The following RAB30 variants were observed in gnomAD, a reference collection of about 807,000 sequenced individuals.
RAB30 encodes ras-related protein Rab-30.
A neutral mutation model predicts 25.1 loss-of-function variants in RAB30; 9 were observed. The ratio of observed to expected loss-of-function variants is 0.36; its 90% confidence interval spans 0.22 to 0.63. The LOEUF (loss-of-function observed/expected upper bound fraction) is 0.63, where lower values mean the gene tolerates loss of function less well. RAB30 is among the 20% of genes least tolerant of loss of function. RAB30 has a pLI of 0.69. For missense variants in RAB30, 140 were observed against 243.5 expected, an observed-to-expected ratio of 0.58 and a Z score of 2.83; for synonymous variants, 77 against 86.4, an observed-to-expected ratio of 0.89 and a Z score of 0.60.
chr11:83,005,425 G>A (rs558982588), intron 1 of RAB30, among the ~76,000 whole-genome samples: 19 of 152,228 alleles, frequency 1.2e-4, no homozygotes, highest in African/African-American at 4.6e-4. Flanking sequence ...CATCAAATGG[G>A]TATTAATATT....
At chr11:82,997,140 CATCTCGACAG>C in intron 2 of RAB30, 74 bp downstream of exon 2, 1 of 1,118,066 alleles carries the variant, frequency 8.9e-7, no homozygotes, top group Non-Finnish European at 1.3e-6. Context: ...ACTGGTCATC[CATCTCGACAG>C]ATTCCCCCAA....
At chr11:83,000,167 G>A (rs10898069) in intron 1 of RAB30, among the ~76,000 whole-genome samples, 87,698 of 152,076 alleles carry the variant, frequency 0.58, 25,847 homozygotes, top group African/African-American at 0.72. Context: ...CCCACAGCTG[G>A]TAACTAGTGG....
intron 1 of RAB30, among the ~76,000 whole-genome samples, chr11:83,049,412 A>C (rs1858305241): frequency 6.8e-6 from 1 of 146,432 alleles, no homozygotes; most frequent in East Asian, 2.1e-4. Context: ...TCCATATCAA[A>C]AAAAAAAAAA....
rs1455764784 is a variant in RAB30 at position 82,973,787 on chromosome 11, C to G, written c.*8378G>C. ...TTTAAGAGAGATGTGAAAACATACACCCATACAAAAAACTTTTACATAAAT... is the reference window on the plus strand; with the variant it reads ...TTTAAGAGAGATGTGAAAACATACAGCCATACAAAAAACTTTTACATAAAT... On this transcript the variant is annotated 3_prime_UTR_variant, in exon 5 of 5. Transcript: ENST00000527633. 6.6e-6 allele frequency: 1 copy of G among 152,062 alleles called. No homozygotes were observed. Among genetic ancestry groups the G allele is most frequent in the Non-Finnish European group, 1.5e-5 (1 of 68,008 alleles). 9.4% of individuals were successfully genotyped at this position (152,062 alleles called of 1,614,324 possible).
chr11:83,037,021 G>A (rs1858001442), intron 1 of RAB30, among the ~76,000 whole-genome samples: 2 of 152,116 alleles, frequency 1.3e-5, no homozygotes, highest in African/African-American at 2.4e-5. Flanking sequence ...TCTGACTTGC[G>A]CTTTAAAGAG....
At chr11:83,029,718 TTTC>T (rs1465835617) in intron 1 of RAB30, among the ~76,000 whole-genome samples, 1 of 152,176 alleles carries the variant, frequency 6.6e-6, no homozygotes, top group African/African-American at 2.4e-5. Context: ...ATCTCAAAAA[TTTC>T]TTTTTACACA....
chr11:83,017,137 G>C (rs1173032900), intron 1 of RAB30, among the ~76,000 whole-genome samples: 1 of 152,146 alleles, frequency 6.6e-6, no homozygotes, highest in African/African-American at 2.4e-5. Context: ...CTAGGAGTTC[G>C]AGAACAGCCT....
chr11:82,990,703 T>G (rs17144473), intron 3 of RAB30, among the ~76,000 whole-genome samples: 2,886 of 152,334 alleles, frequency 0.019, 86 homozygotes, highest in African/African-American at 0.065. Context: ...TTAGAGTTTT[T>G]CTTATTACTC....
intron 3 of RAB30, among the ~76,000 whole-genome samples, chr11:82,991,552 C>A (rs1379862731): frequency 6.8e-6 from 1 of 147,206 alleles, no homozygotes; most frequent in Admixed American, 6.8e-5. Context: ...GACAACTATG[C>A]AGTTCTGCCC....
At chr11:83,060,599 A>C (rs1211470862) in intron 1 of RAB30, among the ~76,000 whole-genome samples, 1 of 152,238 alleles carries the variant, frequency 6.6e-6, no homozygotes, top group Non-Finnish European at 1.5e-5. Flanking sequence ...GTTTAACTTG[A>C]ATCTAATAAT....
intron 1 of RAB30, among the ~76,000 whole-genome samples, chr11:83,071,036 T>C (rs926394083): frequency 6.6e-6 from 1 of 152,130 alleles, no homozygotes. Flanking sequence ...GGAAAACATT[T>C]AACAAAAACG....
At chr11:82,991,506 CAAAAAAAAAAAA>C (rs35298951) in intron 3 of RAB30, among the ~76,000 whole-genome samples, 59 of 65,874 alleles carry the variant, frequency 9.0e-4, no homozygotes, top group Non-Finnish European at 2.7e-5. Context: ...GACCCTTTCT[CAAAAAAAAAAAA>C]AAAAAAAAAA....
rs940640208 is a variant in RAB30 at position 83,046,124 on chromosome 11, A to G, written c.-9+25567T>C. Among the ~76,000 whole-genome samples the G allele has an allele frequency of 4.6e-5, 7 of 152,234 alleles. No individual in the cohort carries two copies. In the South Asian group the frequency reaches 8.3e-4, roughly 18 times the overall value. ...CTTCCTTTAACCTCATTACTTACCCAGGCATATATGGGATATACTAAGCTG... is the reference window on the plus strand; with the variant it reads ...CTTCCTTTAACCTCATTACTTACCCGGGCATATATGGGATATACTAAGCTG... On this transcript the variant is annotated intron_variant, in intron 1 of 4. Coordinates refer to ENST00000527633, the MANE Select transcript of RAB30 (RefSeq NM_001286060.2).
rs567900568 is a variant in RAB30 at position 83,009,655 on chromosome 11, A to G, written c.-8-12331T>C. On this transcript the variant is annotated intron_variant, in intron 1 of 4. Transcript: ENST00000527633. ...AAATAAAAACAAATAACAAAAGACC[A>G]GAGAGGTCCAAACTTATTTCAAGAT... Among the ~76,000 whole-genome samples, 5 of 152,368 alleles carry G rather than the reference A, an allele frequency of 3.3e-5. No individual in the cohort carries two copies. The South Asian group carries it at 1.0e-3, about 32-fold the overall frequency.
intron 1 of RAB30, among the ~76,000 whole-genome samples, chr11:83,068,054 A>G (rs939591628): frequency 2.7e-5 from 4 of 149,880 alleles, no homozygotes; most frequent in Non-Finnish European, 5.9e-5. Flanking sequence ...GAATCCAGAG[A>G]TGGAGGCTGC....
chr11:83,035,275 T>C (rs1409927768), intron 1 of RAB30: 1 of 152,134 alleles, frequency 6.6e-6, no homozygotes, highest in Admixed American at 6.6e-5. Context: ...AGCACGCAAG[T>C]TGCAGCAAGA....
At chr11:83,040,434 A>G (rs1006909559) in intron 1 of RAB30, among the ~76,000 whole-genome samples, 1 of 152,130 alleles carries the variant, frequency 6.6e-6, no homozygotes, top group Non-Finnish European at 1.5e-5. Context: ...TCTACTAAAA[A>G]TACAAAATTA....
At chr11:83,012,244 AT>A (rs1009172594) in intron 1 of RAB30, among the ~76,000 whole-genome samples, 2 of 152,176 alleles carry the variant, frequency 1.3e-5, no homozygotes, top group Non-Finnish European at 2.9e-5. Flanking sequence ...GGAACTTGGC[AT>A]TTTTTGCCTC....
chr11:83,013,050 T>C (rs1328254648), intron 1 of RAB30, among the ~76,000 whole-genome samples: 1 of 152,182 alleles, frequency 6.6e-6, no homozygotes. Context: ...GCAGAGTTTC[T>C]CCATAGACAC....
Sources: allele counts gnomAD v4.1 joint callset (sites outside exome capture counted in the v4.1 genomes callset), GRCh38; gene constraint gnomAD v4.1.1; transcripts MANE v1.5; gene names NCBI Gene and HGNC (gene_info 2026-07-23, HGNC 2026-07-21).